NKAIN1: variants seen among roughly 807,000 people sequenced by gnomAD.
The protein encoded by NKAIN1 is sodium/potassium transporting ATPase interacting 1, also known as sodium/potassium-transporting ATPase subunit beta-1-interacting protein 1.
A neutral mutation model predicts 31.6 loss-of-function variants in NKAIN1; 13 were observed. The ratio of observed to expected loss-of-function variants is 0.41; its 90% CI spans 0.27 to 0.65. The LOEUF (loss-of-function observed/expected upper bound fraction) is 0.65. NKAIN1 is among the 30% of genes least tolerant of loss of function. NKAIN1 has a pLI of 0.30. For missense variants in NKAIN1, 193 were observed against 262.2 expected (o/e 0.74, Z 1.82); for synonymous variants, 104 against 109.0 (o/e 0.95, Z 0.28).
chr1:31,218,016 TTTTCTTTCTTTCTTTCTTTCTTTC>T (rs1553163596), intron 1 of NKAIN1, among the ~76,000 whole-genome samples: 7 of 108,212 alleles, frequency 6.5e-5, no homozygotes, highest in Non-Finnish European at 1.2e-4. Flanking sequence ...GCAGCTACCA[TTTTCTTTCTTTCTTTCTTTCTTTC>T]TTTCTTTCTT....
chr1:31,236,479 A>G lies in NKAIN1; in HGVS notation c.54+3015T>C, dbSNP rs140115290. ...CAGTCCCTTGGATGAGAAAACCAAG[A>G]CTCCCTTCTCCCCTCAGGCTGGTGA... On this transcript the variant is annotated intron_variant, in intron 1 of 6. Transcript: ENST00000373736. Among the ~76,000 whole-genome samples, 521 of 151,954 alleles carry G rather than the reference A, an allele frequency of 3.4e-3. 3 individuals carry two copies. The highest frequency in any genetic ancestry group is 0.034 in the Middle Eastern group (10 of 294).
chr1:31,184,158 T>C (rs543185770), intron 3 of NKAIN1, 144 bp from the exon 4 acceptor site: 163 of 656,404 alleles, frequency 2.5e-4, no homozygotes, highest in Admixed American at 1.1e-3. Context: ...CAGGTGGCAC[T>C]TAATGACCAC....
At chr1:31,187,391 G>A (rs1250679164) in intron 2 of NKAIN1, among the ~76,000 whole-genome samples, 2 of 152,144 alleles carry the variant, frequency 1.3e-5, no homozygotes, top group South Asian at 2.1e-4. Flanking sequence ...CGGGGAGGAG[G>A]AGAGAGACCC....
At chr1:31,224,658 T>G (rs1185175111) in intron 1 of NKAIN1, among the ~76,000 whole-genome samples, 2 of 152,244 alleles carry the variant, frequency 1.3e-5, no homozygotes, top group African/African-American at 4.8e-5. Flanking sequence ...TGAAGCAACT[T>G]GAGGATCATG....
intron 1 of NKAIN1, among the ~76,000 whole-genome samples, chr1:31,230,177 G>A (rs1212015882): frequency 1.3e-5 from 2 of 152,172 alleles, no homozygotes; most frequent in Non-Finnish European, 2.9e-5. Context: ...AGAACCTGCA[G>A]CCTCATATCC....
intron 1 of NKAIN1, among the ~76,000 whole-genome samples, chr1:31,208,126 G>A (rs190456374): frequency 4.1e-4 from 63 of 152,244 alleles, no homozygotes; most frequent in African/African-American, 1.4e-3. Flanking sequence ...TGGCTGAGAT[G>A]TGTTCTGTTC....
chr1:31,221,245 G>A lies in NKAIN1; in HGVS notation c.54+18249C>T, dbSNP rs116425719. On this transcript the variant is annotated intron_variant, in intron 1 of 6. Transcript: ENST00000373736. ...GCAACCTGAGTTTAGGGACACGGAA[G>A]TGGTAAGTTTCGGTTAGCAGGCAAG... Among the ~76,000 whole-genome samples the A allele has an allele frequency of 5.1e-3, 783 of 152,310 alleles. 5 individuals carry two copies. The highest frequency in any genetic ancestry group is 0.018 in the African/African-American group (736 of 41,570).
intron 1 of NKAIN1, among the ~76,000 whole-genome samples, chr1:31,230,969 G>A (rs191479960): frequency 2.8e-5 from 4 of 142,530 alleles, no homozygotes; most frequent in East Asian, 2.2e-4. Context: ...TGCAACCTCC[G>A]CCTCCCAGGT....
chr1:31,229,794 C>T (rs1645632253), intron 1 of NKAIN1, among the ~76,000 whole-genome samples: 1 of 152,140 alleles, frequency 6.6e-6, no homozygotes, highest in African/African-American at 2.4e-5. Flanking sequence ...CCAGGCAGCA[C>T]CTCTTACCTC....
At chr1:31,235,886 C>T (rs1645689391) in intron 1 of NKAIN1, among the ~76,000 whole-genome samples, 1 of 152,270 alleles carries the variant, frequency 6.6e-6, no homozygotes, top group African/African-American at 2.4e-5. Flanking sequence ...CCACAAAGGA[C>T]AGTCCACAAA....
intron 1 of NKAIN1, among the ~76,000 whole-genome samples, chr1:31,192,802 C>T (rs547503092): frequency 7.3e-4 from 111 of 152,206 alleles, no homozygotes; most frequent in Non-Finnish European, 1.4e-3. Flanking sequence ...GGTCCACCCA[C>T]CTTGGCCTCC....
At chr1:31,228,897 C>T (rs907836374) in intron 1 of NKAIN1, among the ~76,000 whole-genome samples, 9 of 152,262 alleles carry the variant, frequency 5.9e-5, no homozygotes, top group Middle Eastern at 6.8e-3. Flanking sequence ...GGCCTGGCCA[C>T]ACATAAATCC....
At chr1:31,221,897 G>T (rs563743816) in intron 1 of NKAIN1, among the ~76,000 whole-genome samples, 80 of 151,200 alleles carry the variant, frequency 5.3e-4, no homozygotes, top group African/African-American at 1.8e-3. Flanking sequence ...TTATTTTTTT[G>T]AGACAGAGTC....
chr1:31,181,850 C>A lies in NKAIN1; in HGVS notation c.614+10G>T, dbSNP rs756711244. 19 of 1,602,394 alleles carry A rather than the reference C, an allele frequency of 1.2e-5. No homozygotes were observed. The highest frequency in any genetic ancestry group is 1.2e-5 in the Non-Finnish European group (14 of 1,175,274). ...AGGCCTCCCCAAGCCAGCAGGGGGC[C>A]GTGACCCACGTGTACAGAGGCTGCA... On this transcript the variant is annotated intron_variant, in intron 6 of 6. Transcript: ENST00000373736.
intron 2 of NKAIN1, among the ~76,000 whole-genome samples, chr1:31,185,888 G>C (rs919559043): frequency 6.6e-6 from 1 of 152,110 alleles, no homozygotes; most frequent in Non-Finnish European, 1.5e-5. Flanking sequence ...GCTCACCACT[G>C]CAATGCCAAT....
chr1:31,229,167 G>A, intron 1 of NKAIN1, among the ~76,000 whole-genome samples: 1 of 152,182 alleles, frequency 6.6e-6, no homozygotes, highest in Non-Finnish European at 1.5e-5. Flanking sequence ...ATCATGCATG[G>A]CAGTTTGTGT....
chr1:31,214,989 G>A (rs561996834), intron 1 of NKAIN1, among the ~76,000 whole-genome samples: 43 of 152,318 alleles, frequency 2.8e-4, no homozygotes, highest in African/African-American at 9.4e-4. Context: ...ACCTACGGTG[G>A]GGAGTCAAGT....
rs1570445926 is a variant in NKAIN1 at position 31,181,451 on chromosome 1, CA to C, written c.*251del. On this transcript the variant is annotated 3_prime_UTR_variant, in exon 7 of 7. Transcript: ENST00000373736. ...AGATTAAAAACAAACAAACAAAAAA[CA>C]AAAAACCCGTGGTGCCCCTCCCCCG... The C allele has an allele frequency of 2.5e-6, 1 of 406,058 alleles. No homozygotes were observed. The highest frequency in any genetic ancestry group is 3.6e-5 in the East Asian group (1 of 27,924). 25.2% of individuals were successfully genotyped at this position (406,058 alleles called of 1,614,324 possible). A position where few individuals can be genotyped will look rare whatever the true frequency, so the allele number is the denominator to read the frequency against.
intron 1 of NKAIN1, among the ~76,000 whole-genome samples, chr1:31,213,859 T>C (rs1570469091): frequency 6.6e-6 from 1 of 151,810 alleles, no homozygotes. Flanking sequence ...CTGGGTGTAG[T>C]GGTGCACACC....
Sources: allele counts gnomAD v4.1 joint callset (sites outside exome capture counted in the v4.1 genomes callset), GRCh38; gene constraint gnomAD v4.1.1; transcripts MANE v1.5; gene names NCBI Gene and HGNC (gene_info 2026-07-23, HGNC 2026-07-21).